ATP5MJ: variants seen among roughly 807,000 people sequenced by gnomAD.
The protein encoded by ATP5MJ is ATP synthase membrane subunit j.
ATP5MJ carries 4 observed loss-of-function variants against 8.3 expected under a neutral mutation model. The observed-to-expected ratio is 0.48, with a 90% CI of 0.24 to 1.11. The LOEUF is 1.11. Ranked by LOEUF, ATP5MJ falls within the 50% of genes least tolerant of loss-of-function variation. The pLI is 0.18. For missense variants in ATP5MJ, 66 were observed against 71.8 expected, an observed-to-expected ratio of 0.92 and a Z score of 0.29; for synonymous variants, 23 against 21.3, an observed-to-expected ratio of 1.08 and a Z score of -0.23.
At chr14:103,913,593 A>G (rs563679869) in intron 3 of ATP5MJ, 18 of 354,088 alleles carry the variant, frequency 5.1e-5, no homozygotes, top group African/African-American at 3.1e-4. Context: ...CCTGGGCGAC[A>G]GAGCGAGGCT....
intron 3 of ATP5MJ, 94 bp from the exon 4 acceptor site, chr14:103,912,788 C>T: frequency 7.8e-7 from 1 of 1,279,012 alleles, no homozygotes; most frequent in Non-Finnish European, 1.1e-6. Flanking sequence ...AGTTGATCAA[C>T]AGTCCAAAAA....
At chr14:103,914,025 C>A (rs376771450) in intron 2 of ATP5MJ, 41 bp from the exon 3 acceptor site, 21 of 1,570,220 alleles carry the variant, frequency 1.3e-5, no homozygotes, top group Non-Finnish European at 1.7e-5. Context: ...CATATCAATG[C>A]TTTACAAAAA....
chr14:103,914,858 G>GAAAAGAAAA (rs2087612374), intron 2 of ATP5MJ: 5 of 329,542 alleles, frequency 1.5e-5, no homozygotes, highest in African/African-American at 6.2e-5. Flanking sequence ...AAAAAAAAAA[G>GAAAAGAAAA]AAAAGAAAAG....
chr14:103,918,879 G>A (rs150133404), intron 1 of ATP5MJ, among the ~76,000 whole-genome samples: 10,267 of 151,964 alleles, frequency 0.068, 1,165 homozygotes, highest in African/African-American at 0.24. Flanking sequence ...AAAATTAGCC[G>A]GGCGTGGTGG....
intron 1 of ATP5MJ, among the ~76,000 whole-genome samples, chr14:103,916,960 T>C (rs887518615): frequency 1.3e-5 from 2 of 152,132 alleles, no homozygotes; most frequent in Non-Finnish European, 2.9e-5. Context: ...AAAGGTCAAA[T>C]GGCGGCCCTC....
chr14:103,914,874 A>AAAG, intron 2 of ATP5MJ, 192 bp downstream of exon 2: 1 of 611,058 alleles, frequency 1.6e-6, no homozygotes, highest in Non-Finnish European at 2.6e-6. Context: ...AAAAGAAAAA[A>AAAG]AAAATTCCCC....
Position 103,912,630 on chromosome 14 carries a change from G to T in ATP5MJ, c.*36C>A. On this transcript the variant is annotated 3_prime_UTR_variant, in exon 4 of 4. Transcript: ENST00000286953. ...GCTTGCTGAAATTTACAGGCAGACT[G>T]ACGTTTTCTTTCACATGTACTCCAA... 6.2e-7 allele frequency: 1 copy of T among 1,610,372 alleles called. No individual in the cohort carries two copies. The highest frequency in any genetic ancestry group is 1.1e-5 in the South Asian group (1 of 90,900).
chr14:103,921,017 T>C, intron 1 of ATP5MJ: 1 of 1,551,674 alleles, frequency 6.4e-7, no homozygotes, highest in Non-Finnish European at 8.7e-7. Context: ...TCTTTTCAGC[T>C]TCCCTGTTGC....
At chr14:103,912,721 A>T (rs776298957) in intron 3 of ATP5MJ, 27 bp from the exon 4 acceptor site, 48 of 1,609,804 alleles carry the variant, frequency 3.0e-5, no homozygotes, top group Non-Finnish European at 3.2e-5. Flanking sequence ...ATATATAAAT[A>T]TGATTTAAGA....
chr14:103,916,319 C>T (rs1194651965), intron 1 of ATP5MJ, among the ~76,000 whole-genome samples: 1 of 152,320 alleles, frequency 6.6e-6, no homozygotes, highest in Non-Finnish European at 1.5e-5. Context: ...CTACTATAGA[C>T]CGCAAATTAG....
chr14:103,915,358 T>C (rs959580541), intron 1 of ATP5MJ, among the ~76,000 whole-genome samples, 169 bp from the exon 2 acceptor site: 1 of 152,160 alleles, frequency 6.6e-6, no homozygotes, highest in East Asian at 1.9e-4. Flanking sequence ...ACACCTCTTT[T>C]TTTTTTAAGG....
At position 103,912,639 on chromosome 14, in the gene ATP5MJ, T is replaced by C. The variant is rs922400104; in HGVS notation, c.*27A>G. The C allele has an allele frequency of 3.1e-6, 5 of 1,612,794 alleles. No homozygotes were observed. The highest frequency in any genetic ancestry group is 4.2e-6 in the Non-Finnish European group (5 of 1,179,192). On this transcript the variant is annotated 3_prime_UTR_variant, in exon 4 of 4. Coordinates refer to ENST00000286953, the MANE Select transcript of ATP5MJ (RefSeq NM_004894.3). Reference sequence around the variant, plus strand: ...AATTTACAGGCAGACTGACGTTTTCTTTCACATGTACTCCAAGTAAATCTG... The same window carrying C: ...AATTTACAGGCAGACTGACGTTTTCCTTCACATGTACTCCAAGTAAATCTG...
intron 1 of ATP5MJ, among the ~76,000 whole-genome samples, chr14:103,917,720 T>C (rs1359650275): frequency 6.6e-6 from 1 of 152,216 alleles, no homozygotes; most frequent in Non-Finnish European, 1.5e-5. Flanking sequence ...GGGACTGCCC[T>C]GATTGTGGTT....
At chr14:103,914,950 A>T in intron 2 of ATP5MJ, 116 bp downstream of exon 2, 1 of 1,315,238 alleles carries the variant, frequency 7.6e-7, no homozygotes, top group Middle Eastern at 1.8e-4. Context: ...GACTGTAGGT[A>T]GCTCTAATGT....
chr14:103,915,755 C>G (rs957706836), intron 1 of ATP5MJ, among the ~76,000 whole-genome samples: 2 of 151,376 alleles, frequency 1.3e-5, no homozygotes, highest in African/African-American at 2.4e-5. Context: ...TCCCAAAGTG[C>G]TAGGATTACG....
At position 103,914,036 on chromosome 14, in the gene ATP5MJ, T is replaced by TGCCCC. The variant is rs2087603383; in HGVS notation, c.125-53_125-52insGGGGC. ...CAGTCATATCAATGCTTTACAAAAA[T>TGCCCC]GCCTTTGTCAAAATTAACATTTAGC... is the stretch of plus-strand genomic sequence containing the variant. On this transcript the variant is annotated intron_variant, in intron 2 of 3. Transcript: ENST00000286953. 33 of 1,537,810 alleles carry TGCCCC rather than the reference T, an allele frequency of 2.1e-5. No homozygotes were observed. In the East Asian group the frequency reaches 7.4e-4, roughly 35 times the overall value.
Position 103,915,155 on chromosome 14 carries a change from G to A in ATP5MJ, c.35C>T (p.Pro12Leu). Residue 12 changes from proline to leucine, a missense_variant, in exon 2 of 4, where the codon CCC (proline) becomes CTC (leucine). By Grantham distance (98) the Pro-to-Leu change is moderately conservative (BLOSUM62 -3). Transcript: ENST00000286953. ...AACTTTGGTGTAGTAGGGCTTCATG[G>A]GGATCCATATGTTTTTAATAATACT... ...LQSIIKNIWI[P>L]MKPYYTKVYQ... 1 of 1,613,670 alleles carries A rather than the reference G, an allele frequency of 6.2e-7. No individual in the cohort carries two copies. Among genetic ancestry groups the A allele is most frequent in the Non-Finnish European group, 8.5e-7 (1 of 1,179,708 alleles).
In ATP5MJ at chr14:103,916,797, C is replaced by T. The variant is rs1415399965; in HGVS notation, c.1-1608G>A. ...GGCTGCGGCTGTAATGCTGCCTCCA[C>T]CCCTCCCTCCCTCCACCCACTCACT... On this transcript the variant is annotated intron_variant, in intron 1 of 3. Coordinates refer to ENST00000286953, the MANE Select transcript of ATP5MJ (RefSeq NM_004894.3). Among the ~76,000 whole-genome samples, 11 of 152,132 alleles carry T rather than the reference C, an allele frequency of 7.2e-5. No homozygotes were observed. The East Asian group carries it at 1.9e-3, about 27-fold the overall frequency.
At chr14:103,920,367 C>A (rs1300431512) in intron 1 of ATP5MJ, among the ~76,000 whole-genome samples, 1 of 150,938 alleles carries the variant, frequency 6.6e-6, no homozygotes, top group African/African-American at 2.4e-5. Flanking sequence ...CTCTTGACCT[C>A]GTGATCCGCC....
Sources: gnomAD v4.1 joint callset for allele counts (sites outside exome capture counted in the v4.1 genomes callset) on GRCh38, gnomAD v4.1.1 for gene constraint, MANE v1.5 for transcripts, NCBI Gene and HGNC (gene_info 2026-07-23, HGNC 2026-07-21) for gene names.